Variants in EXD2 observed in about 807,000 individuals in gnomAD.
The protein encoded by EXD2 is exonuclease 3'-5' domain containing 2.
Under a neutral mutation model 62.5 loss-of-function variants are expected in EXD2, and 40 were observed. The ratio of observed to expected loss-of-function variants is 0.64; its 90% CI spans 0.50 to 0.83. The LOEUF (loss-of-function observed/expected upper bound fraction) is 0.83, where lower values mean the gene tolerates loss of function less well. Ranked by LOEUF, EXD2 falls within the 40% of genes least tolerant of loss-of-function variation. The probability of loss-of-function intolerance (pLI) is 0.00; values close to 1 mark genes in which losing one functional copy is unlikely to be tolerated. For synonymous variants in EXD2, 239 were observed against 291.9 expected (o/e 0.82, Z 1.85); for missense variants, 671 against 761.8 (o/e 0.88, Z 1.40).
Position 69,206,455 on chromosome 14 carries a change from CTTTTTTTT to C in EXD2, c.-48+2479_-48+2486del, listed in dbSNP as rs56333403. Among the ~76,000 whole-genome samples the C allele has an allele frequency of 1.7e-4, 16 of 94,668 alleles. 1 individual carries two copies. Among genetic ancestry groups the C allele is most frequent in the African/African-American group, 5.4e-4 (12 of 22,164 alleles). The allele number at this position is 94,668 out of a possible 152,430, so 62.1% of individuals were successfully genotyped here. A position where few individuals can be genotyped will look rare whatever the true frequency, so the allele number is the denominator to read the frequency against. On this transcript the variant is annotated intron_variant, in intron 2 of 9. Coordinates refer to ENST00000685843, the MANE Select transcript of EXD2 (RefSeq NM_001193360.2). ...CCCAGCTTCATCTCCCACCCACCCA[CTTTTTTTT>C]TTTTTTTTTTTTTTTTTTTTTTTGA...
chr14:69,234,624 T>C lies in EXD2; in HGVS notation c.718-76T>C, dbSNP rs979844763. On this transcript the variant is annotated intron_variant, in intron 5 of 9. Transcript: ENST00000685843. Reference sequence around the variant, plus strand: ...ATTAGGATCCTAAGAGTTATCTATTTCTTTGTGATTGACTTTGAAGTTTTT... The same window carrying C: ...ATTAGGATCCTAAGAGTTATCTATTCCTTTGTGATTGACTTTGAAGTTTTT... 4 of 1,219,090 alleles carry C rather than the reference T, an allele frequency of 3.3e-6. No individual in the cohort carries two copies. In the African/African-American group the frequency reaches 6.0e-5, roughly 18 times the overall value. 75.5% of individuals were successfully genotyped at this position (1,219,090 alleles called of 1,614,324 possible).
Position 69,230,993 on chromosome 14 carries a change from C to T in EXD2, c.717+395C>T, listed in dbSNP as rs550938071. Among the ~76,000 whole-genome samples, 28 of 152,318 alleles carry T rather than the reference C, an allele frequency of 1.8e-4. No individual in the cohort carries two copies. In the East Asian group the frequency reaches 5.2e-3, roughly 28 times the overall value. ...AGAGATGGGGTTTCACCACGTTGGT[C>T]AGGCTGGTCTCGAACTTCTGACCTC... is the stretch of plus-strand genomic sequence containing the variant. On this transcript the variant is annotated intron_variant, in intron 5 of 9. Coordinates refer to ENST00000685843, the MANE Select transcript of EXD2 (RefSeq NM_001193360.2).
In EXD2 at chr14:69,234,832, T is replaced by C; in HGVS notation, c.850T>C (p.Cys284Arg). 1 of 1,614,042 alleles carries C rather than the reference T, an allele frequency of 6.2e-7. No homozygotes were observed. Among genetic ancestry groups the C allele is most frequent in the Non-Finnish European group, 8.5e-7 (1 of 1,180,024 alleles). ...TAGCTGGAGAAAAGTCTTGGAAAAA[T>C]GCCAGGGTGTGGTCGACATCCCATT... ...HSSWRKVLEK[C>R]QGVVDIPFRS... The change falls in exon 6 of 10, where the codon TGC becomes CGC. Residue 284 changes from cysteine (C) to arginine (R), a missense_variant. Transcript: ENST00000685843.
chr14:69,217,363 T>A (rs1372296530), intron 3 of EXD2, among the ~76,000 whole-genome samples: 1 of 152,180 alleles, frequency 6.6e-6, no homozygotes, highest in Admixed American at 6.5e-5. Flanking sequence ...CAAGGTCAAC[T>A]TTTTTAGATT....
intron 1 of EXD2, among the ~76,000 whole-genome samples, chr14:69,195,204 G>A (rs61980269): frequency 0.68 from 102,975 of 150,416 alleles, 35,882 homozygotes; most frequent in East Asian, 1. Flanking sequence ...GTAACAGAGC[G>A]AGACTCTGTC....
intron 1 of EXD2, among the ~76,000 whole-genome samples, chr14:69,203,051 C>T (rs1473492763): frequency 6.6e-6 from 1 of 152,032 alleles, no homozygotes; most frequent in Non-Finnish European, 1.5e-5. Context: ...TAGACCGTGT[C>T]TCAAGTTTGT....
intron 1 of EXD2, among the ~76,000 whole-genome samples, chr14:69,201,672 G>GTTTT (rs71102634): frequency 1.0e-4 from 6 of 59,020 alleles, no homozygotes; most frequent in South Asian, 9.3e-4. Context: ...TGTTTTCTCT[G>GTTTT]TTTTTTTTTT....
intron 1 of EXD2, among the ~76,000 whole-genome samples, chr14:69,199,975 G>C (rs1292928411): frequency 2.0e-5 from 3 of 152,230 alleles, no homozygotes; most frequent in Non-Finnish European, 4.4e-5. Flanking sequence ...ACGACTGGCT[G>C]TGCTGTAGGT....
Position 69,200,470 on chromosome 14 carries a change from G to A in EXD2, c.-131-3447G>A, listed in dbSNP as rs373540540. 3.3e-5 allele frequency among the ~76,000 whole-genome samples: 5 copies of A among 151,946 alleles called. No homozygotes were observed. The East Asian group carries it at 7.7e-4, about 24-fold the overall frequency. On this transcript the variant is annotated intron_variant, in intron 1 of 9. Transcript: ENST00000685843. ...TAATCCCAGCACTTTGGGAGGCCGA[G>A]TCTAGGGGATCGCTTGAGCTCACGA...
At chr14:69,219,301 T>G (rs1486254692) in intron 3 of EXD2, among the ~76,000 whole-genome samples, 1 of 152,210 alleles carries the variant, frequency 6.6e-6, no homozygotes, top group Non-Finnish European at 1.5e-5. Flanking sequence ...ATGATTTGGC[T>G]CTCTGTTTGT....
Position 69,237,815 on chromosome 14 carries a change from C to T in EXD2, c.1533C>T (p.Asn511=), listed in dbSNP as rs567418308. The change falls in exon 9 of 10, where the codon AAC becomes AAT. Residue 511 remains asparagine (N), a synonymous_variant. Transcript: ENST00000685843. The part of the protein sequence containing the change: ...QVRSGARALL[N]AESLPTQRKE... ...GTTCTGGGGCCAGGGCCCTGCTCAA[C>T]GCGGAGAGCCTGCCTACTCAGCGAA... is the stretch of plus-strand genomic sequence containing the variant. 4.3e-6 allele frequency: 7 copies of T among 1,613,798 alleles called. No homozygotes were observed. The South Asian group carries it at 4.4e-5, about 10-fold the overall frequency.
At chr14:69,229,184 A>C in intron 4 of EXD2, 112 bp downstream of exon 4, 3 of 1,349,670 alleles carry the variant, frequency 2.2e-6, no homozygotes, top group Non-Finnish European at 3.0e-6. Flanking sequence ...ATAGGAGCCT[A>C]GAGGCTTCTA....
chr14:69,224,707 G>A lies in EXD2; in HGVS notation c.334-4109G>A, dbSNP rs143106951. On this transcript the variant is annotated intron_variant, in intron 3 of 9. Coordinates refer to ENST00000685843, the MANE Select transcript of EXD2 (RefSeq NM_001193360.2). ...TAGAGTAAAATGCAGATGGCCAGGTGCAGTGGCTCATGCCTGTAATCCAAG... is the reference window on the plus strand; with the variant it reads ...TAGAGTAAAATGCAGATGGCCAGGTACAGTGGCTCATGCCTGTAATCCAAG... Among the ~76,000 whole-genome samples the A allele has an allele frequency of 1.1e-4, 16 of 152,280 alleles. No individual in the cohort carries two copies. In the East Asian group the frequency reaches 3.1e-3, roughly 29 times the overall value.
Position 69,234,191 on chromosome 14 carries a change from A to T in EXD2, c.718-509A>T, listed in dbSNP as rs186413837. On this transcript the variant is annotated intron_variant, in intron 5 of 9. Coordinates refer to ENST00000685843, the MANE Select transcript of EXD2 (RefSeq NM_001193360.2). ...CTTTGATTTGAGGCCCATGTTTGAA[A>T]CCTATTTGTTTTTTTTGTTTTCAAT... Among the ~76,000 whole-genome samples the T allele has an allele frequency of 2.1e-3, 316 of 152,018 alleles. 1 individual carries two copies. The highest frequency in any genetic ancestry group is 7.1e-3 in the African/African-American group (294 of 41,452).
intron 5 of EXD2, among the ~76,000 whole-genome samples, chr14:69,231,778 A>G (rs1348348741): frequency 6.6e-6 from 1 of 151,760 alleles, no homozygotes; most frequent in African/African-American, 2.4e-5. Flanking sequence ...TGCATTTACC[A>G]TCAGCCTGGA....
chr14:69,237,286 G>C (rs557484138), intron 8 of EXD2, among the ~76,000 whole-genome samples: 1 of 152,274 alleles, frequency 6.6e-6, no homozygotes, highest in Admixed American at 6.5e-5. Flanking sequence ...TCCCTTCTGG[G>C]AGCACAGCCT....
intron 2 of EXD2, among the ~76,000 whole-genome samples, chr14:69,208,345 C>T (rs979938555): frequency 3.4e-5 from 5 of 148,940 alleles, no homozygotes; most frequent in East Asian, 4.0e-4. Flanking sequence ...CAAGTAGCTG[C>T]GGCAACAGGC....
At chr14:69,236,674 C>A in intron 8 of EXD2, 132 bp downstream of exon 8, 2 of 1,203,576 alleles carry the variant, frequency 1.7e-6, no homozygotes, top group Non-Finnish European at 2.4e-6. Flanking sequence ...TAGTATCCAG[C>A]TTCCCCAAGA....
intron 2 of EXD2, among the ~76,000 whole-genome samples, chr14:69,206,453 C>G (rs575661140): frequency 2.0e-4 from 19 of 97,092 alleles, no homozygotes; most frequent in African/African-American, 1.1e-3. Context: ...CCCACCCACC[C>G]ACTTTTTTTT....
Sources: gnomAD v4.1 joint callset for allele counts (sites outside exome capture counted in the v4.1 genomes callset) on GRCh38, gnomAD v4.1.1 for gene constraint, MANE v1.5 for transcripts, NCBI Gene and HGNC (gene_info 2026-07-23, HGNC 2026-07-21) for gene names.